Variants in GRM3 observed in about 807,000 individuals in gnomAD.
GRM3 encodes metabotropic glutamate receptor 3.
A neutral mutation model predicts 70.5 loss-of-function variants in GRM3; 26 were observed. The observed-to-expected ratio is 0.37, with a 90% CI of 0.27 to 0.51. GRM3 has a LOEUF of 0.51. Among genes scored for constraint, GRM3 ranks in the 20% least tolerant of loss-of-function variants. The pLI, the probability that GRM3 is intolerant of heterozygous loss-of-function variation, is 0.93. For missense variants in GRM3, 859 were observed against 1,123.8 expected (o/e 0.76, Z 3.37); for synonymous variants, 443 against 434.9 (o/e 1.02, Z -0.23).
At chr7:86,655,118 T>C (rs1793701843) in intron 1 of GRM3, among the ~76,000 whole-genome samples, 1 of 152,208 alleles carries the variant, frequency 6.6e-6, no homozygotes, top group African/African-American at 2.4e-5. Flanking sequence ...ATCTTTCCAA[T>C]CTGTCATCCT....
intron 1 of GRM3, among the ~76,000 whole-genome samples, chr7:86,713,106 G>T (rs777018736): frequency 6.6e-6 from 1 of 151,952 alleles, no homozygotes; most frequent in African/African-American, 2.4e-5. Context: ...GTGTACAAGG[G>T]TTCTGCTTTT....
intron 1 of GRM3, among the ~76,000 whole-genome samples, chr7:86,673,152 C>T (rs1326967383): frequency 4.6e-5 from 7 of 152,084 alleles, no homozygotes; most frequent in Non-Finnish European, 8.8e-5. Flanking sequence ...ACATCAAAGG[C>T]ATGACTGAGC....
At chr7:86,679,536 C>G (rs1382646956) in intron 1 of GRM3, among the ~76,000 whole-genome samples, 1 of 151,958 alleles carries the variant, frequency 6.6e-6, no homozygotes, top group African/African-American at 2.4e-5. Context: ...CTACTATACT[C>G]ACATGGGAAA....
At chr7:86,823,537 T>G (rs1416575767) in intron 3 of GRM3, among the ~76,000 whole-genome samples, 1 of 150,998 alleles carries the variant, frequency 6.6e-6, no homozygotes, top group Non-Finnish European at 1.5e-5. Context: ...AAAGAAATGT[T>G]ATTAGCTAGA....
chr7:86,833,657 T>G (rs2116721770), intron 3 of GRM3, among the ~76,000 whole-genome samples: 1 of 152,314 alleles, frequency 6.6e-6, no homozygotes, highest in South Asian at 2.1e-4. Context: ...GCGTTCGAAA[T>G]AACCGTTCAA....
chr7:86,824,070 G>A (rs1482653260), intron 3 of GRM3, among the ~76,000 whole-genome samples: 1 of 152,130 alleles, frequency 6.6e-6, no homozygotes, highest in East Asian at 1.9e-4. Flanking sequence ...AGACGACCAA[G>A]GCCAGTTCTG....
intron 1 of GRM3, among the ~76,000 whole-genome samples, chr7:86,728,385 A>G (rs1795641311): frequency 6.6e-6 from 1 of 152,238 alleles, no homozygotes; most frequent in Non-Finnish European, 1.5e-5. Context: ...TATTTGAACT[A>G]TTCATAGTTT....
intron 2 of GRM3, among the ~76,000 whole-genome samples, chr7:86,776,713 G>A (rs1796901708): frequency 1.3e-5 from 2 of 152,100 alleles, no homozygotes; most frequent in South Asian, 4.1e-4. Context: ...TCAACTTGTG[G>A]CTCTGTTAAA....
intron 1 of GRM3, among the ~76,000 whole-genome samples, chr7:86,699,689 A>G: frequency 6.6e-6 from 1 of 152,198 alleles, no homozygotes; most frequent in African/African-American, 2.4e-5. Flanking sequence ...ATACTGAAAT[A>G]GAAAGCCAAC....
intron 1 of GRM3, among the ~76,000 whole-genome samples, chr7:86,750,897 G>C (rs1353389921): frequency 6.6e-6 from 1 of 152,060 alleles, no homozygotes. Flanking sequence ...TCAGGATAGG[G>C]AGGATAATTT....
At chr7:86,781,036 C>T (rs543811915) in intron 2 of GRM3, among the ~76,000 whole-genome samples, 1 of 152,244 alleles carries the variant, frequency 6.6e-6, no homozygotes, top group East Asian at 1.9e-4. Context: ...AGAATTCCTA[C>T]CACTTATGGG....
Position 86,839,596 on chromosome 7 carries a change from T to G in GRM3, c.2082T>G (p.Gly694=), listed in dbSNP as rs201955638. The G allele has an allele frequency of 1.9e-6, 3 of 1,613,880 alleles. No homozygotes were observed. Among genetic ancestry groups the G allele is most frequent in the Admixed American group, 3.3e-5 (2 of 60,004 alleles). Residue 694 remains glycine (G), a synonymous_variant, in exon 4 of 6, where the codon GGT becomes GGG. Transcript: ENST00000361669. The surrounding 1 kb of genome is among the most constrained non-coding windows in gnomAD (Gnocchi z 4.5). ...SPSSQVFICL[G]LILVQIVMVS... Reference sequence around the variant, plus strand: ...GTTCTCAGGTTTTCATCTGCCTGGGTCTGATCCTGGTGCAAATTGTGATGG... The same window carrying G: ...GTTCTCAGGTTTTCATCTGCCTGGGGCTGATCCTGGTGCAAATTGTGATGG...
At chr7:86,702,904 T>C (rs1794975435) in intron 1 of GRM3, among the ~76,000 whole-genome samples, 1 of 151,780 alleles carries the variant, frequency 6.6e-6, no homozygotes, top group East Asian at 1.9e-4. Flanking sequence ...TGAGAAAAAA[T>C]ACACAGAACA....
rs530620191 is a variant in GRM3 at position 86,748,477 on chromosome 7, AG to A, written c.-140-16525del. The stretch of plus-strand genomic sequence containing the variant: ...ACCACATGCAGACTAGATTTCATTC[AG>A]GGGAAGAGCTTTTAAATACATTTTA... On this transcript the variant is annotated intron_variant, in intron 1 of 5. Transcript: ENST00000361669. Among the ~76,000 whole-genome samples, 807 of 152,052 alleles carry A rather than the reference AG, an allele frequency of 5.3e-3. 11 individuals are homozygous for A. Among genetic ancestry groups the A allele is most frequent in the South Asian group, 0.021 (102 of 4,820 alleles).
At chr7:86,762,443 T>A (rs1453691412) in intron 1 of GRM3, among the ~76,000 whole-genome samples, 4 of 152,100 alleles carry the variant, frequency 2.6e-5, no homozygotes, top group South Asian at 4.1e-4. Flanking sequence ...ATCTGTGTTT[T>A]AAAGGGCACT....
chr7:86,795,125 G>A (rs1031460253), intron 3 of GRM3, among the ~76,000 whole-genome samples: 3 of 151,460 alleles, frequency 2.0e-5, no homozygotes, highest in African/African-American at 4.8e-5. Flanking sequence ...AATTAAGGCA[G>A]TTTAATGTAT....
chr7:86,763,037 A>G (rs761483333), intron 1 of GRM3, among the ~76,000 whole-genome samples: 15 of 152,156 alleles, frequency 9.9e-5, no homozygotes, highest in Non-Finnish European at 1.6e-4. Flanking sequence ...CTCAGTATAC[A>G]TTGATAGAAG....
chr7:86,762,424 T>G (rs1229642659), intron 1 of GRM3, among the ~76,000 whole-genome samples: 1 of 152,028 alleles, frequency 6.6e-6, no homozygotes, highest in Non-Finnish European at 1.5e-5. Flanking sequence ...GAACAGAAAG[T>G]AAGCAGAAAT....
chr7:86,841,420 A>G (rs1254505213), intron 4 of GRM3, among the ~76,000 whole-genome samples: 1 of 152,188 alleles, frequency 6.6e-6, no homozygotes, highest in East Asian at 1.9e-4. Context: ...GAGTATATGA[A>G]CTACAGGGGA....
Sources: gnomAD v4.1 joint callset for allele counts (sites outside exome capture counted in the v4.1 genomes callset) on GRCh38, gnomAD v4.1.1 for gene constraint, Gnocchi (gnomAD v3.1) non-coding constraint, MANE v1.5 for transcripts, NCBI Gene and HGNC (gene_info 2026-07-23, HGNC 2026-07-21) for gene names.